The following PPFIA3 variants were observed in gnomAD, a reference collection of about 807,000 sequenced individuals.
PPFIA3 encodes PPFI scaffold protein A3.
In PPFIA3, 26 loss-of-function variants were observed where a neutral mutation model predicts 145.8. The observed-to-expected ratio is 0.18, with a 90% CI of 0.13 to 0.25. PPFIA3 has a LOEUF of 0.25. Ranked by LOEUF, PPFIA3 falls within the 10% of genes least tolerant of loss-of-function variation. The probability of loss-of-function intolerance (pLI) is 1.00; values close to 1 mark genes in which losing one functional copy is unlikely to be tolerated. For synonymous variants in PPFIA3, 645 were observed against 661.4 expected, an observed-to-expected ratio of 0.98 and a Z score of 0.38; for missense variants, 1,008 against 1,587.8, an observed-to-expected ratio of 0.63 and a Z score of 6.21.
In PPFIA3 at chr19:49,149,685, C is replaced by T. The variant is rs764451903; in HGVS notation, c.3493C>T (p.Pro1165Ser). The T allele has an allele frequency of 6.2e-7, 1 of 1,612,834 alleles. No homozygotes were observed. Among genetic ancestry groups the T allele is most frequent in the African/African-American group, 1.3e-5 (1 of 74,900 alleles). Residue 1165 changes from proline (P) to serine (S), a missense_variant, in exon 28 of 30, where the codon CCG becomes TCG. Pro to Ser is a moderately conservative substitution (Grantham distance 74). Coordinates refer to ENST00000334186, the MANE Select transcript of PPFIA3 (RefSeq NM_003660.4). The surrounding 1 kb of genome is among the most constrained non-coding windows in gnomAD (Gnocchi z 5.7). ...RSAAAGALGSPGLPLRKLQPE... is the reference protein window; with the variant it reads ...RSAAAGALGSSGLPLRKLQPE... The stretch of plus-strand genomic sequence containing the variant: ...GGCTGCAGCGGGAGCCCTGGGCTCT[C>T]CGGGGCTCCCTCTCCGCAAGCTGCA...
intron 13 of PPFIA3, among the ~76,000 whole-genome samples, chr19:49,135,234 G>T: frequency 6.6e-6 from 1 of 152,058 alleles, no homozygotes; most frequent in Non-Finnish European, 1.5e-5. Context: ...TAGACACGGG[G>T]TTTTGCCATG....
At chr19:49,129,263 A>G in intron 4 of PPFIA3, 117 bp from the exon 5 acceptor site, 1 of 1,122,308 alleles carries the variant, frequency 8.9e-7, no homozygotes, top group Non-Finnish European at 1.2e-6. Flanking sequence ...CCCGTTATGG[A>G]GACAGGAGCC....
chr19:49,138,525 G>T, intron 16 of PPFIA3, 98 bp downstream of exon 16: 1 of 1,090,230 alleles, frequency 9.2e-7, no homozygotes. Flanking sequence ...TCACACCAGT[G>T]GTTTTCCAAA....
intron 14 of PPFIA3, among the ~76,000 whole-genome samples, 155 bp downstream of exon 14, chr19:49,136,078 A>C (rs2041133983): frequency 6.6e-6 from 1 of 151,998 alleles, no homozygotes; most frequent in South Asian, 2.1e-4. Flanking sequence ...CTTCCCTGCA[A>C]CCCTCTTGCC....
chr19:49,121,303 T>C (rs573267659), intron 1 of PPFIA3, among the ~76,000 whole-genome samples: 1 of 151,996 alleles, frequency 6.6e-6, no homozygotes, highest in East Asian at 1.9e-4. Context: ...ACAAATTTCT[T>C]TCTTTCTATT....
chr19:49,149,892 C>T lies in PPFIA3; in HGVS notation c.3526+174C>T. ...GGATGAAATGGATAAATCCCACTCC[C>T]CCTTCCCAGGGCGGGAGTGAACTCG... On this transcript the variant is annotated intron_variant, in intron 28 of 29. Coordinates refer to ENST00000334186, the MANE Select transcript of PPFIA3 (RefSeq NM_003660.4). This position sits in a 1 kb window ranked among gnomAD's most constrained non-coding sequence, Gnocchi z 5.7. 1 of 1,121,802 alleles carries T rather than the reference C, an allele frequency of 8.9e-7. No individual in the cohort carries two copies. The highest frequency in any genetic ancestry group is 1.6e-5 in the South Asian group (1 of 63,946). 69.5% of individuals were successfully genotyped at this position (1,121,802 alleles called of 1,614,324 possible).
chr19:49,134,727 G>A lies in PPFIA3; in HGVS notation c.1440+26G>A, dbSNP rs779675195. On this transcript the variant is annotated intron_variant, in intron 12 of 29. Coordinates refer to ENST00000334186, the MANE Select transcript of PPFIA3 (RefSeq NM_003660.4). ...GTAGGGGGCCCTGAGGGGACAGGAG[G>A]AGGATGTTGGGGCAGTGGTTGCTGA... 79 of 1,612,852 alleles carry A rather than the reference G, an allele frequency of 4.9e-5. No homozygotes were observed. In the Admixed American group the frequency reaches 1.2e-3, roughly 25 times the overall value.
At chr19:49,146,644 AGGCG>A (rs2041284455) in intron 23 of PPFIA3, among the ~76,000 whole-genome samples, 1 of 152,114 alleles carries the variant, frequency 6.6e-6, no homozygotes, top group Non-Finnish European at 1.5e-5. Flanking sequence ...AAGAAACAAG[AGGCG>A]GCCGGGCGCA....
chr19:49,142,687 C>T (rs898364981), intron 20 of PPFIA3, 117 bp from the exon 21 acceptor site: 3 of 864,926 alleles, frequency 3.5e-6, no homozygotes, highest in South Asian at 3.2e-5. Flanking sequence ...AACTTTCCCA[C>T]GTCTCTGTTT....
At chr19:49,145,920 C>T in intron 21 of PPFIA3, 23 bp from the exon 22 acceptor site, 1 of 1,610,998 alleles carries the variant, frequency 6.2e-7, no homozygotes, top group Non-Finnish European at 8.5e-7. Context: ...TCCCACCATC[C>T]ATTAACACTC....
Position 49,134,058 on chromosome 19 carries a change from G to A in PPFIA3, c.1270G>A (p.Asp424Asn). 1 of 1,613,522 alleles carries A rather than the reference G, an allele frequency of 6.2e-7. No individual in the cohort carries two copies. The highest frequency in any genetic ancestry group is 8.5e-7 in the Non-Finnish European group (1 of 1,179,780). ...QRARQREKMN[D>N]DHNKRLSETV... Reference sequence around the variant, plus strand: ...GGCCCGGCAGCGGGAGAAGATGAACGATGACCACAATAAGCGGCTGTCCGA... The same window carrying A: ...GGCCCGGCAGCGGGAGAAGATGAACAATGACCACAATAAGCGGCTGTCCGA... The change falls in exon 11 of 30, where the codon GAT becomes AAT. Residue 424 changes from aspartate (D) to asparagine (N), a missense_variant. Coordinates refer to ENST00000334186, the MANE Select transcript of PPFIA3 (RefSeq NM_003660.4).
At chr19:49,124,257 C>G (rs1469363584) in intron 1 of PPFIA3, among the ~76,000 whole-genome samples, 1 of 151,974 alleles carries the variant, frequency 6.6e-6, no homozygotes, top group Admixed American at 6.6e-5. Flanking sequence ...CAGGGTTTCA[C>G]CATGTTTCCC....
At chr19:49,129,653 A>C (rs532824960) in intron 5 of PPFIA3, among the ~76,000 whole-genome samples, 199 bp downstream of exon 5, 2 of 152,282 alleles carry the variant, frequency 1.3e-5, no homozygotes, top group Non-Finnish European at 2.9e-5. Context: ...TACGGGGAGA[A>C]TCTCCCAGTG....
Position 49,128,796 on chromosome 19 carries a change from C to T in PPFIA3, c.343-52C>T. ...CTACCTGTCACCCTTTTTCTCACATCTGCCCCTTTTCCCTTGCCTCTTTTC... is the reference window on the plus strand; with the variant it reads ...CTACCTGTCACCCTTTTTCTCACATTTGCCCCTTTTCCCTTGCCTCTTTTC... On this transcript the variant is annotated intron_variant, in intron 3 of 29. Transcript: ENST00000334186. This position sits in a 1 kb window ranked among gnomAD's most constrained non-coding sequence, Gnocchi z 4.1. 1 of 1,501,346 alleles carries T rather than the reference C, an allele frequency of 6.7e-7. No individual in the cohort carries two copies. 93.0% of individuals were successfully genotyped at this position (1,501,346 alleles called of 1,614,324 possible).
rs149024128 is a variant in PPFIA3, at chr19:49,134,111, C to T, written c.1323C>T (p.Ser441=). ...CGGTGGACAAGCTGCTGAGCGAGTC[C>T]AACGAGCGCTTACAGCTTCACCTCA... is the stretch of plus-strand genomic sequence containing the variant. The part of the protein sequence containing the change: ...SETVDKLLSE[S]NERLQLHLKE... Residue 441 remains serine, a synonymous_variant, in exon 11 of 30, where the codon TCC becomes TCT. Coordinates refer to ENST00000334186, the MANE Select transcript of PPFIA3 (RefSeq NM_003660.4). The T allele has an allele frequency of 1.8e-4, 287 of 1,613,966 alleles. No homozygotes were observed. The African/African-American group carries it at 3.1e-3, about 17-fold the overall frequency.
At position 49,130,332 on chromosome 19, in the gene PPFIA3, C is replaced by A; in HGVS notation, c.658-46C>A. The A allele has an allele frequency of 6.7e-7, 1 of 1,500,988 alleles. No homozygotes were observed. 93.0% of individuals were successfully genotyped at this position (1,500,988 alleles called of 1,614,324 possible). Reference sequence around the variant, plus strand: ...CTTTCTCCTTGGATTTCCTCTGTGTCTCCGGAGACACTCTGGGATCTTGTC... The same window carrying A: ...CTTTCTCCTTGGATTTCCTCTGTGTATCCGGAGACACTCTGGGATCTTGTC... On this transcript the variant is annotated intron_variant, in intron 6 of 29. Coordinates refer to ENST00000334186, the MANE Select transcript of PPFIA3 (RefSeq NM_003660.4). The surrounding 1 kb of genome is among the most constrained non-coding windows in gnomAD (Gnocchi z 4.5).
rs747968297 is a variant in PPFIA3, at chr19:49,133,399, T to C, written c.1161+28T>C. ...GCGGGGAGGACTCGGGTCGGGGCCT[T>C]GCGTGGGGAAGGGGTGGGGCCTAGA... On this transcript the variant is annotated intron_variant, in intron 9 of 29. Transcript: ENST00000334186. The surrounding 1 kb of genome is among the most constrained non-coding windows in gnomAD (Gnocchi z 7.2). 2 of 1,540,720 alleles carry C rather than the reference T, an allele frequency of 1.3e-6. No individual in the cohort carries two copies. Among genetic ancestry groups the C allele is most frequent in the Admixed American group, 1.9e-5 (1 of 52,194 alleles).
intron 1 of PPFIA3, among the ~76,000 whole-genome samples, chr19:49,123,687 C>T (rs372949011): frequency 6.6e-6 from 1 of 152,142 alleles, no homozygotes; most frequent in South Asian, 2.1e-4. Flanking sequence ...AATGATCCCC[C>T]GGGCTCAGCC....
chr19:49,132,493 CCCA>C (rs1171252911), intron 7 of PPFIA3, among the ~76,000 whole-genome samples: 1 of 151,388 alleles, frequency 6.6e-6, no homozygotes, highest in African/African-American at 2.4e-5. Context: ...GAAATGTAGC[CCCA>C]CCACGTGGGC....
Sources: gnomAD v4.1 joint callset for allele counts (sites outside exome capture counted in the v4.1 genomes callset) on GRCh38, gnomAD v4.1.1 for gene constraint, Gnocchi (gnomAD v3.1) non-coding constraint, MANE v1.5 for transcripts, NCBI Gene and HGNC (gene_info 2026-07-23, HGNC 2026-07-21) for gene names.